The following SLC39A12 variants were observed in gnomAD, a reference collection of about 807,000 sequenced individuals.
SLC39A12 encodes the protein zinc transporter ZIP12.
Under a neutral mutation model 71.1 loss-of-function variants are expected in SLC39A12, and 63 were observed. That is an observed-to-expected ratio of 0.89 (90% CI 0.72 to 1.09). SLC39A12 has a LOEUF of 1.09. Ranked by LOEUF, SLC39A12 falls within the 50% of genes least tolerant of loss-of-function variation. The probability of loss-of-function intolerance (pLI) is 0.00; values close to 1 mark genes in which losing one functional copy is unlikely to be tolerated. For missense variants in SLC39A12, 892 were observed against 812.6 expected (o/e 1.10, Z -1.19); for synonymous variants, 351 against 301.3 (o/e 1.16, Z -1.71).
intron 6 of SLC39A12, among the ~76,000 whole-genome samples, chr10:17,986,734 C>A (rs1471759371): frequency 6.6e-6 from 1 of 152,190 alleles, no homozygotes; most frequent in Admixed American, 6.5e-5. Flanking sequence ...AGACTGGGTG[C>A]TGTGGCTTAT....
rs782814170 is a variant in SLC39A12 at position 17,961,733 on chromosome 10, A to G, written c.414A>G (p.Lys138=). ...CTTCAAAGCTCAACATGAGTAATAA[A>G]GAGTATAAATTTTACCTACACAGCC... The part of the protein sequence containing the change: ...ICSSKLNMSN[K]EYKFYLHSLL... The change falls in exon 3 of 13, where the codon AAA becomes AAG. Residue 138 remains lysine, a synonymous_variant. Transcript: ENST00000377369. 3 of 1,614,142 alleles carry G rather than the reference A, an allele frequency of 1.9e-6. No homozygotes were observed. The highest frequency in any genetic ancestry group is 2.2e-5 in the East Asian group (1 of 44,876).
At position 17,961,189 on chromosome 10, in the gene SLC39A12, T is replaced by C. The variant is rs1423192963; in HGVS notation, c.262-392T>C. 3.3e-5 allele frequency among the ~76,000 whole-genome samples: 5 copies of C among 152,166 alleles called. No homozygotes were observed. In the South Asian group the frequency reaches 6.2e-4, roughly 19 times the overall value. On this transcript the variant is annotated intron_variant, in intron 2 of 12. Transcript: ENST00000377369. ...TCACAGGGGCAGAAGTTGAGTGAGA[T>C]GCTGGACCAAGGCTAAGAGAAGGAA...
chr10:18,031,361 C>A (rs1271742353), intron 12 of SLC39A12, among the ~76,000 whole-genome samples: 3 of 140,470 alleles, frequency 2.1e-5, no homozygotes, highest in African/African-American at 7.8e-5. Context: ...GAGATGGTAT[C>A]TCATAGTGGT....
intron 12 of SLC39A12, among the ~76,000 whole-genome samples, chr10:18,036,611 G>T (rs1473425812): frequency 1.3e-5 from 2 of 151,640 alleles, no homozygotes; most frequent in Non-Finnish European, 2.9e-5. Flanking sequence ...CCCGTCTTCT[G>T]CGTCGCTCAC....
Position 17,965,631 on chromosome 10 carries a change from A to G in SLC39A12, c.692A>G (p.Asp231Gly), listed in dbSNP as rs1834805788. 1.2e-6 allele frequency: 2 copies of G among 1,614,162 alleles called. No individual in the cohort carries two copies. Among genetic ancestry groups the G allele is most frequent in the Non-Finnish European group, 1.7e-6 (2 of 1,180,022 alleles). Reference protein sequence around the residue: ...CLGQGNLPSPDYFTEYIFSSL... With the variant: ...CLGQGNLPSPGYFTEYIFSSL... The stretch of plus-strand genomic sequence containing the variant: ...GGACAAGGAAACTTGCCTTCCCCAG[A>G]CTACTTTACAGAATATATTTTCAGT... The change falls in exon 4 of 13, where the codon GAC (aspartate) becomes GGC (glycine). Residue 231 changes from aspartate to glycine, a missense_variant. By Grantham distance (94) the Asp-to-Gly change is moderately conservative. Transcript: ENST00000377369.
intron 12 of SLC39A12, among the ~76,000 whole-genome samples, chr10:18,030,039 A>G (rs1013141768): frequency 6.6e-6 from 1 of 150,770 alleles, no homozygotes; most frequent in Non-Finnish European, 1.5e-5. Flanking sequence ...ACTATGGTTC[A>G]TATGTTCATC....
At chr10:17,982,807 A>G (rs1835294821) in intron 6 of SLC39A12, among the ~76,000 whole-genome samples, 1 of 152,146 alleles carries the variant, frequency 6.6e-6, no homozygotes, top group African/African-American at 2.4e-5. Context: ...GGCCTCGGAA[A>G]AAAATTGTGT....
chr10:18,033,431 T>C (rs1027402415), intron 12 of SLC39A12, among the ~76,000 whole-genome samples: 1 of 151,530 alleles, frequency 6.6e-6, no homozygotes, highest in Non-Finnish European at 1.5e-5. Flanking sequence ...TTCTAGTTTA[T>C]TTGCGTAGAG....
intron 3 of SLC39A12, among the ~76,000 whole-genome samples, chr10:17,962,779 CTT>C (rs1834725442): frequency 6.6e-6 from 1 of 152,086 alleles, no homozygotes; most frequent in African/African-American, 2.4e-5. Context: ...TTGCTAAGGA[CTT>C]TGTGACTTTC....
At position 18,000,680 on chromosome 10, in the gene SLC39A12, C is replaced by G. The variant is rs1835808936; in HGVS notation, c.1614C>G (p.Ser538Arg). The G allele has an allele frequency of 6.2e-7, 1 of 1,614,130 alleles. No individual in the cohort carries two copies. The highest frequency in any genetic ancestry group is 8.5e-7 in the Non-Finnish European group (1 of 1,180,012). The change falls in exon 11 of 13, where the codon AGC (serine) becomes AGG (arginine). Residue 538 changes from serine (S) to arginine (R), a missense_variant. Transcript: ENST00000377369. ...TASNRKCKAI[S>R]LLAIMILVGD... ...TTGGTTCCTTAGGTAAAGCCATTAGCTTGTTAGCAATCATGATTCTGGTTG... is the reference window on the plus strand; with the variant it reads ...TTGGTTCCTTAGGTAAAGCCATTAGGTTGTTAGCAATCATGATTCTGGTTG...
At chr10:18,003,753 G>A (rs963679279) in intron 12 of SLC39A12, among the ~76,000 whole-genome samples, 2 of 152,166 alleles carry the variant, frequency 1.3e-5, no homozygotes, top group Non-Finnish European at 2.9e-5. Context: ...CTGTCAATCA[G>A]CCAGCTATTT....
chr10:17,984,406 A>G (rs1835349496), intron 6 of SLC39A12, among the ~76,000 whole-genome samples: 2 of 152,238 alleles, frequency 1.3e-5, no homozygotes, highest in African/African-American at 2.4e-5. Flanking sequence ...TGCCTGGGAA[A>G]TGTTGTACCC....
chr10:17,979,194 AT>A (rs781105227), intron 5 of SLC39A12, among the ~76,000 whole-genome samples: 6 of 152,200 alleles, frequency 3.9e-5, no homozygotes, highest in African/African-American at 7.2e-5. Flanking sequence ...TTTATAAAAA[AT>A]ATGTTGTGTT....
chr10:17,975,687 T>C (rs1835091060), intron 4 of SLC39A12, among the ~76,000 whole-genome samples: 4 of 152,168 alleles, frequency 2.6e-5, no homozygotes. Flanking sequence ...GTAGGTCATG[T>C]GCCCCACTGT....
rs1834807527 is a variant in SLC39A12, at chr10:17,965,673, A to T, written c.734A>T (p.Asn245Ile). ...ATTTTCAGTTCCTTGAATCGTACGA[A>T]TACCCTCCGCCTATCAGGTAAGGAT... ...EYIFSSLNRT[N>I]TLRLSELDQL... Residue 245 changes from asparagine (N) to isoleucine (I), a missense_variant, in exon 4 of 13, where the codon AAT becomes ATT. Transcript: ENST00000377369. The T allele has an allele frequency of 6.2e-7, 1 of 1,613,758 alleles. No individual in the cohort carries two copies. Among genetic ancestry groups the T allele is most frequent in the Middle Eastern group, 1.7e-4 (1 of 6,060 alleles).
At chr10:18,031,021 C>T (rs1166267546) in intron 12 of SLC39A12, among the ~76,000 whole-genome samples, 3 of 151,398 alleles carry the variant, frequency 2.0e-5, no homozygotes, top group East Asian at 1.9e-4. Flanking sequence ...TGTATATGTG[C>T]CACATTTTCT....
At chr10:18,038,992 C>T (rs1183642203) in intron 12 of SLC39A12, among the ~76,000 whole-genome samples, 1 of 152,162 alleles carries the variant, frequency 6.6e-6, no homozygotes, top group African/African-American at 2.4e-5. Flanking sequence ...CTATCTTGCC[C>T]AAAATATTTT....
At chr10:18,023,201 T>A (rs193057539) in intron 12 of SLC39A12, among the ~76,000 whole-genome samples, 27 of 152,262 alleles carry the variant, frequency 1.8e-4, no homozygotes, top group Non-Finnish European at 3.4e-4. Context: ...CAGAGGCCCT[T>A]TCACTTATCT....
chr10:17,965,809 T>C (rs1834811692), intron 4 of SLC39A12, 119 bp downstream of exon 4: 8 of 810,710 alleles, frequency 9.9e-6, no homozygotes, highest in Non-Finnish European at 1.5e-5. Context: ...AATACCATTT[T>C]TTATAGAGTC....
Sources: gnomAD v4.1 joint callset for allele counts (sites outside exome capture counted in the v4.1 genomes callset) on GRCh38, gnomAD v4.1.1 for gene constraint, MANE v1.5 for transcripts, NCBI Gene and HGNC (gene_info 2026-07-23, HGNC 2026-07-21) for gene names.